Variants in DYSF observed in about 807,000 individuals in gnomAD.
DYSF encodes dysferlin.
A neutral mutation model predicts 274.9 loss-of-function variants in DYSF; 212 were observed. The ratio of observed to expected loss-of-function variants is 0.77; its 90% confidence interval spans 0.69 to 0.86. The LOEUF (loss-of-function observed/expected upper bound fraction) is 0.86. Among genes scored for constraint, DYSF ranks in the 40% least tolerant of loss-of-function variants. The pLI is 0.00. For missense variants in DYSF, 2,666 were observed against 2,783.2 expected, an observed-to-expected ratio of 0.96 and a Z score of 0.95; for synonymous variants, 1,091 against 1,078.7, an observed-to-expected ratio of 1.01 and a Z score of -0.22.
At chr2:71,477,410 C>T (rs1328617294) in intron 1 of DYSF, among the ~76,000 whole-genome samples, 2 of 151,994 alleles carry the variant, frequency 1.3e-5, no homozygotes, top group African/African-American at 2.4e-5. Flanking sequence ...CTGTAAGTTG[C>T]CGGGCTCTGT....
intron 12 of DYSF, among the ~76,000 whole-genome samples, 171 bp from the exon 13 acceptor site, chr2:71,526,049 A>G (rs148378483): frequency 2.2e-4 from 33 of 152,344 alleles, no homozygotes; most frequent in Non-Finnish European, 4.1e-4. Context: ...GAGGAAGCTG[A>G]GGCTCAGGTG....
At chr2:71,623,138 G>A (rs886717363) in intron 41 of DYSF, among the ~76,000 whole-genome samples, 6 of 151,784 alleles carry the variant, frequency 4.0e-5, no homozygotes, top group East Asian at 1.9e-4. Context: ...ACAGGTAGTC[G>A]ATTGGCTAAT....
intron 7 of DYSF, among the ~76,000 whole-genome samples, chr2:71,514,168 AG>A (rs2086412616): frequency 1.3e-5 from 2 of 150,156 alleles, no homozygotes; most frequent in African/African-American, 2.4e-5. Context: ...AAAAAAAAAA[AG>A]TCACTGCAGA....
At chr2:71,671,755 TG>T (rs1403825767) in intron 51 of DYSF, among the ~76,000 whole-genome samples, 1 of 152,176 alleles carries the variant, frequency 6.6e-6, no homozygotes, top group Non-Finnish European at 1.5e-5. Context: ...TTGTGGTTGC[TG>T]ATTAAGAATT....
chr2:71,621,420 T>C (rs1281782029), intron 41 of DYSF, among the ~76,000 whole-genome samples: 2 of 152,096 alleles, frequency 1.3e-5, no homozygotes, highest in Admixed American at 6.6e-5. Flanking sequence ...ACACAAAAAG[T>C]GTCAAGTAGG....
At chr2:71,470,741 C>CTTCCTTCCTTCT (rs1558936399) in intron 1 of DYSF, among the ~76,000 whole-genome samples, 6 of 29,802 alleles carry the variant, frequency 2.0e-4, no homozygotes, top group South Asian at 2.5e-3. Flanking sequence ...TCCTTCTTTC[C>CTTCCTTCCTTCT]TTCCTTCCTT....
chr2:71,503,527 G>A (rs1449454859), intron 4 of DYSF, among the ~76,000 whole-genome samples: 2 of 152,140 alleles, frequency 1.3e-5, no homozygotes, highest in Non-Finnish European at 2.9e-5. Context: ...GACCCCACCT[G>A]CAGGGCTCAA....
intron 40 of DYSF, among the ~76,000 whole-genome samples, chr2:71,617,901 TTGTGGTAGAGGTGTGTGTG>T (rs1382022235): frequency 6.2e-5 from 1 of 16,022 alleles, no homozygotes; most frequent in African/African-American, 2.4e-4. Flanking sequence ...AGAGGTGTGT[TTGTGGTAGAGGTGTGTGTG>T]TGTGGTAGAG....
Position 71,574,196 on chromosome 2 carries a change from A to T in DYSF, c.3229-2A>T. Reference sequence around the variant, plus strand: ...TCTGAGTCTGCCCCTTCTCTTGTGCAGCACAGGCAGGCGGAGGCGGAGGGC... The same window carrying T: ...TCTGAGTCTGCCCCTTCTCTTGTGCTGCACAGGCAGGCGGAGGCGGAGGGC... On this transcript the variant is annotated splice_acceptor_variant, in intron 29 of 55. Coordinates refer to ENST00000410020, the MANE Select transcript of DYSF (RefSeq NM_001130987.2). LOFTEE classifies it high-confidence loss of function. 2 of 1,611,214 alleles carry T rather than the reference A, an allele frequency of 1.2e-6. No homozygotes were observed. Among genetic ancestry groups the T allele is most frequent in the Middle Eastern group, 3.3e-4 (2 of 6,020 alleles).
intron 3 of DYSF, among the ~76,000 whole-genome samples, chr2:71,494,210 C>T (rs993262169): frequency 3.3e-5 from 5 of 152,112 alleles, no homozygotes; most frequent in Admixed American, 6.5e-5. Flanking sequence ...TGACAACTTT[C>T]GTGGCAGTTT....
At chr2:71,583,124 C>T (rs1434896185) in intron 30 of DYSF, among the ~76,000 whole-genome samples, 1 of 146,152 alleles carries the variant, frequency 6.8e-6, no homozygotes, top group East Asian at 2.0e-4. Flanking sequence ...AATATAGTTT[C>T]TTTAGTGGTA....
chr2:71,595,859 C>T (rs2093391832), intron 32 of DYSF, among the ~76,000 whole-genome samples: 2 of 152,198 alleles, frequency 1.3e-5, no homozygotes, highest in Non-Finnish European at 2.9e-5. Context: ...AAAACCCAGC[C>T]CCTCACCTTC....
intron 6 of DYSF, 36 bp from the exon 7 acceptor site, chr2:71,513,680 A>G (rs1369532567): frequency 5.6e-6 from 9 of 1,606,450 alleles, no homozygotes; most frequent in Non-Finnish European, 6.8e-6. Context: ...GCAGGGCCAG[A>G]GGGATCCAGG....
intron 41 of DYSF, among the ~76,000 whole-genome samples, chr2:71,636,558 G>A (rs1574496773): frequency 6.6e-6 from 1 of 152,156 alleles, no homozygotes; most frequent in African/African-American, 2.4e-5. Flanking sequence ...GATGTGGGAG[G>A]AGCAGACTGG....
At chr2:71,617,101 C>A (rs1574377790) in intron 40 of DYSF, among the ~76,000 whole-genome samples, 2 of 152,188 alleles carry the variant, frequency 1.3e-5, no homozygotes, top group South Asian at 4.1e-4. Context: ...CCCCCAGAGC[C>A]AGCTGGGTAT....
intron 13 of DYSF, 79 bp downstream of exon 13, chr2:71,526,425 C>CTGGGGGGGGGGGGGGGGGGTTGGGGGGGG: frequency 8.3e-6 from 3 of 360,048 alleles, no homozygotes; most frequent in Non-Finnish European, 1.5e-5. Context: ...CGATGGCGGG[C>CTGGGGGGGGGGGGGGGGGGTTGGGGGGGG]GGGGTCAGCT....
chr2:71,506,813 C>T (rs1482053919), intron 4 of DYSF, among the ~76,000 whole-genome samples: 1 of 152,026 alleles, frequency 6.6e-6, no homozygotes, highest in Non-Finnish European at 1.5e-5. Flanking sequence ...TGGGGCCCAC[C>T]TCCTAGTGCT....
At chr2:71,620,197 A>G (rs941499229) in intron 40 of DYSF, among the ~76,000 whole-genome samples, 2 of 152,204 alleles carry the variant, frequency 1.3e-5, no homozygotes, top group African/African-American at 4.8e-5. Flanking sequence ...GAGGGAGGAC[A>G]TATGAGAGAG....
chr2:71,679,314 A>G lies in DYSF; in HGVS notation c.6063+79A>G, dbSNP rs748157139. The G allele has an allele frequency of 2.8e-4, 394 of 1,394,690 alleles. 1 individual carries two copies. The highest frequency in any genetic ancestry group is 3.9e-4 in the Non-Finnish European group (388 of 1,001,916). 86.4% of individuals were successfully genotyped at this position (1,394,690 alleles called of 1,614,324 possible). A position where few individuals can be genotyped will look rare whatever the true frequency, so the allele number is the denominator to read the frequency against. On this transcript the variant is annotated intron_variant, in intron 53 of 55. Coordinates refer to ENST00000410020, the MANE Select transcript of DYSF (RefSeq NM_001130987.2). Reference sequence around the variant, plus strand: ...AGAAATTGTCAGAAAATACGTCATCAGAAAATACATGCTTACTGTTCCTCC... The same window carrying G: ...AGAAATTGTCAGAAAATACGTCATCGGAAAATACATGCTTACTGTTCCTCC...
Sources: allele counts gnomAD v4.1 joint callset (sites outside exome capture counted in the v4.1 genomes callset), GRCh38; gene constraint gnomAD v4.1.1; transcripts MANE v1.5; gene names NCBI Gene and HGNC (gene_info 2026-07-23, HGNC 2026-07-21).